The following FRK variants were observed in gnomAD, a reference collection of about 807,000 sequenced individuals.
The protein encoded by FRK is fyn related Src family tyrosine kinase.
FRK carries 51 observed loss-of-function variants against 56.4 expected under a neutral mutation model. The observed-to-expected ratio is 0.90, with a 90% CI of 0.72 to 1.14. The LOEUF (loss-of-function observed/expected upper bound fraction) is 1.14, where lower values mean the gene tolerates loss of function less well. Ranked by LOEUF, FRK falls within the 50% of genes most tolerant of loss-of-function variation. The probability of loss-of-function intolerance (pLI) is 0.00; values close to 1 mark genes in which losing one functional copy is unlikely to be tolerated. For missense variants in FRK, 570 were observed against 601.4 expected (o/e 0.95, Z 0.55); for synonymous variants, 245 against 217.9 (o/e 1.12, Z -1.10).
At chr6:116,045,744 T>A (rs929715726) in intron 1 of FRK, among the ~76,000 whole-genome samples, 3 of 152,176 alleles carry the variant, frequency 2.0e-5, no homozygotes, top group African/African-American at 7.2e-5. Flanking sequence ...AAAGACTTCA[T>A]GACTAAAACA....
chr6:116,078,372 G>A, the FRK span, among the ~76,000 whole-genome samples: 1 of 152,074 alleles, frequency 6.6e-6, no homozygotes, highest in Non-Finnish European at 1.5e-5. Context: ...AATGTCCCTT[G>A]ACCAATCTGG....
At chr6:116,082,309 G>A in the FRK span, among the ~76,000 whole-genome samples, 1 of 152,196 alleles carries the variant, frequency 6.6e-6, no homozygotes, top group Non-Finnish European at 1.5e-5. Flanking sequence ...AAAAGCCACT[G>A]GAAGGATATA....
At chr6:116,069,716 A>C in the FRK span, among the ~76,000 whole-genome samples, 1 of 152,182 alleles carries the variant, frequency 6.6e-6, no homozygotes, top group Non-Finnish European at 1.5e-5. Context: ...GCAGGGGAAA[A>C]CAAAAAGGAT....
intron 2 of FRK, among the ~76,000 whole-genome samples, chr6:115,993,030 C>A (rs1035077194): frequency 4.0e-5 from 6 of 151,868 alleles, no homozygotes; most frequent in African/African-American, 1.4e-4. Context: ...CTGAAATTTT[C>A]TAGGTTTAAT....
chr6:116,018,530 A>C (rs374568708), intron 1 of FRK, among the ~76,000 whole-genome samples: 1 of 152,344 alleles, frequency 6.6e-6, no homozygotes, highest in Admixed American at 6.5e-5. Flanking sequence ...TATTAAAATT[A>C]TAAGTGTCTT....
intron 4 of FRK, 84 bp downstream of exon 4, chr6:115,967,467 C>G: frequency 1.5e-6 from 2 of 1,375,208 alleles, no homozygotes; most frequent in Admixed American, 1.8e-5. Context: ...GTATTAGCCA[C>G]CCTATGACCT....
chr6:115,944,206 C>T (rs572876047), intron 6 of FRK, 38 bp downstream of exon 6: 5 of 1,525,664 alleles, frequency 3.3e-6, no homozygotes, highest in South Asian at 1.2e-5. Flanking sequence ...AGACTTTTGA[C>T]CTATTACAAA....
intron 2 of FRK, among the ~76,000 whole-genome samples, chr6:115,973,271 A>T (rs1773875004): frequency 6.6e-6 from 1 of 152,300 alleles, no homozygotes; most frequent in Admixed American, 6.5e-5. Context: ...ATATTCCTGA[A>T]GCTGGAAACC....
At chr6:115,981,651 T>G (rs1774205655) in intron 2 of FRK, among the ~76,000 whole-genome samples, 1 of 152,042 alleles carries the variant, frequency 6.6e-6, no homozygotes, top group Admixed American at 6.6e-5. Flanking sequence ...TTTCAGCAAT[T>G]AGTAGACATG....
At chr6:115,955,543 AT>A (rs1772950982) in intron 5 of FRK, among the ~76,000 whole-genome samples, 1 of 152,086 alleles carries the variant, frequency 6.6e-6, no homozygotes, top group African/African-American at 2.4e-5. Context: ...AGCTGAGTAT[AT>A]TTCTGTTTTT....
chr6:116,054,201 T>C (rs997863580), intron 1 of FRK, among the ~76,000 whole-genome samples: 5 of 150,960 alleles, frequency 3.3e-5, no homozygotes, highest in South Asian at 2.1e-4. Context: ...TAAATTATTT[T>C]AAAAACGTAT....
the FRK span, among the ~76,000 whole-genome samples, chr6:116,086,224 G>T: frequency 6.6e-6 from 1 of 151,908 alleles, no homozygotes; most frequent in African/African-American, 2.4e-5. Flanking sequence ...AAAACAAGTC[G>T]CAGGGGACAA....
chr6:116,090,645 A>G, the FRK span, among the ~76,000 whole-genome samples: 4 of 152,234 alleles, frequency 2.6e-5, no homozygotes, highest in South Asian at 8.3e-4. Context: ...GGTCTAGTCC[A>G]GGAAAAGCCA....
chr6:115,967,800 G>T (rs948600790), intron 3 of FRK, 81 bp from the exon 4 acceptor site: 2 of 1,119,832 alleles, frequency 1.8e-6, no homozygotes, highest in African/African-American at 1.6e-5. Context: ...AATAGTCTAG[G>T]TACTTTTAAA....
chr6:115,988,185 T>A (rs1300429947), intron 2 of FRK, among the ~76,000 whole-genome samples: 1 of 152,154 alleles, frequency 6.6e-6, no homozygotes, highest in African/African-American at 2.4e-5. Flanking sequence ...ACTTCATGAT[T>A]GACAGGATGC....
At chr6:115,958,772 G>GT (rs1773195504) in intron 4 of FRK, among the ~76,000 whole-genome samples, 1 of 73,230 alleles carries the variant, frequency 1.4e-5, no homozygotes, top group Non-Finnish European at 2.5e-5. Context: ...AGAAAGAGGG[G>GT]GGGGAAGGAG....
At chr6:116,065,046 C>T (rs1777735830), upstream of FRK, among the ~76,000 whole-genome samples, 1 of 152,144 alleles carries the variant, frequency 6.6e-6, no homozygotes, top group Non-Finnish European at 1.5e-5. Context: ...ATAAAAATCC[C>T]TCACCTCCTT....
intron 1 of FRK, among the ~76,000 whole-genome samples, chr6:116,040,263 G>A (rs1038836554): frequency 2.0e-4 from 30 of 152,198 alleles, no homozygotes; most frequent in African/African-American, 7.0e-4. Flanking sequence ...CTACATATGT[G>A]TAATCACAAT....
intron 4 of FRK, among the ~76,000 whole-genome samples, chr6:115,966,859 T>C (rs1023598864): frequency 2.4e-4 from 37 of 152,324 alleles, no homozygotes; most frequent in Admixed American, 2.0e-3. Flanking sequence ...ATACAAAGCA[T>C]GTCCACTAAT....
Sources: gnomAD v4.1 joint callset for allele counts (sites outside exome capture counted in the v4.1 genomes callset) on GRCh38, gnomAD v4.1.1 for gene constraint, MANE v1.5 for transcripts, NCBI Gene and HGNC (gene_info 2026-07-23, HGNC 2026-07-21) for gene names.